GALNT10: variants seen among roughly 807,000 people sequenced by gnomAD.
GALNT10 encodes polypeptide N-acetylgalactosaminyltransferase 10, also known as GalNAc transferase 10.
A neutral mutation model predicts 75.0 loss-of-function variants in GALNT10; 41 were observed. The observed-to-expected ratio is 0.55, with a 90% CI of 0.43 to 0.71. The LOEUF is 0.71. Ranked by LOEUF, GALNT10 falls within the 30% of genes least tolerant of loss-of-function variation. The probability of loss-of-function intolerance (pLI) is 0.00; values close to 1 mark genes in which losing one functional copy is unlikely to be tolerated. For synonymous variants in GALNT10, 302 were observed against 313.0 expected, an observed-to-expected ratio of 0.96 and a Z score of 0.37; for missense variants, 727 against 818.5, an observed-to-expected ratio of 0.89 and a Z score of 1.36.
intron 1 of GALNT10, among the ~76,000 whole-genome samples, chr5:154,273,807 T>C (rs940760443): frequency 6.6e-6 from 1 of 152,250 alleles, no homozygotes; most frequent in Non-Finnish European, 1.5e-5. Flanking sequence ...ATTAGATCAT[T>C]GGTTTTCAAA....
intron 4 of GALNT10, among the ~76,000 whole-genome samples, chr5:154,349,231 G>A (rs143308899): frequency 1.3e-5 from 2 of 152,126 alleles, no homozygotes; most frequent in East Asian, 3.9e-4. Context: ...TGGTCTCTCA[G>A]CAGTCCTGAG....
intron 1 of GALNT10, among the ~76,000 whole-genome samples, chr5:154,257,248 G>A (rs1455199617): frequency 6.6e-6 from 1 of 152,180 alleles, no homozygotes; most frequent in Non-Finnish European, 1.5e-5. Context: ...GCCAGTTGCA[G>A]AGTCCATTTT....
chr5:154,391,436 C>T (rs964030607), intron 7 of GALNT10, among the ~76,000 whole-genome samples: 1 of 152,208 alleles, frequency 6.6e-6, no homozygotes, highest in African/African-American at 2.4e-5. Context: ...CTAGAAAAGT[C>T]ATTGACTTTC....
rs997094257 is a variant in GALNT10, at chr5:154,376,448, T to C, written c.740T>C (p.Leu247Pro). The C allele has an allele frequency of 3.2e-6, 5 of 1,579,418 alleles. No homozygotes were observed. Among genetic ancestry groups the C allele is most frequent in the Non-Finnish European group, 4.3e-6 (5 of 1,167,076 alleles). The change falls in exon 5 of 12, where the codon CTT becomes CCT. Residue 247 changes from leucine (L) to proline (P), a missense_variant. By Grantham distance (98) the Leu-to-Pro change is moderately conservative. Coordinates refer to ENST00000297107, the MANE Select transcript of GALNT10 (RefSeq NM_198321.4). The surrounding 1 kb of genome is among the most constrained non-coding windows in gnomAD (Gnocchi z 4.1). ...CACTGTGAAGCCAATGTCAACTGGC[T>C]TCCCCCCTTGCTTGGTAAGGGAGCC... Reference protein sequence around the residue: ...DSHCEANVNWLPPLLDRIARN... With the variant: ...DSHCEANVNWPPPLLDRIARN...
intron 1 of GALNT10, among the ~76,000 whole-genome samples, chr5:154,226,309 A>G (rs769918991): frequency 3.0e-4 from 45 of 152,198 alleles, no homozygotes; most frequent in Non-Finnish European, 6.3e-4. Context: ...AGACTATAGT[A>G]TTACTGTTTT....
At chr5:154,299,852 T>C (rs253343) in intron 3 of GALNT10, among the ~76,000 whole-genome samples, 139,649 of 142,524 alleles carry the variant, frequency 0.98, 68,418 homozygotes, top group East Asian at 1. Flanking sequence ...TTTTTTTTTT[T>C]GAGACAGGGT....
At chr5:154,311,800 G>A (rs534507489) in intron 3 of GALNT10, among the ~76,000 whole-genome samples, 3 of 152,134 alleles carry the variant, frequency 2.0e-5, no homozygotes, top group Admixed American at 2.0e-4. Context: ...TAGTAGAGAT[G>A]GAGTTTCACC....
chr5:154,404,566 C>T lies in GALNT10; in HGVS notation c.1164+355C>T, dbSNP rs558286081. On this transcript the variant is annotated intron_variant, in intron 8 of 11. Coordinates refer to ENST00000297107, the MANE Select transcript of GALNT10 (RefSeq NM_198321.4). ...TAGGCAGCAAACACAGGAATGTTTT[C>T]TTGTTCATGTGTTTAAGTTAATGTG... Among the ~76,000 whole-genome samples the T allele has an allele frequency of 5.3e-5, 8 of 152,288 alleles. No homozygotes were observed. The South Asian group carries it at 1.7e-3, about 32-fold the overall frequency.
At position 154,418,867 on chromosome 5, in the gene GALNT10, G is replaced by C. The variant is rs1356013545; in HGVS notation, c.*1895G>C. 6.6e-6 allele frequency: 1 copy of C among 152,514 alleles called. No individual in the cohort carries two copies. Among genetic ancestry groups the C allele is most frequent in the Admixed American group, 6.5e-5 (1 of 15,284 alleles). The allele number at this position is 152,514 out of a possible 1,614,324, so 9.4% of individuals were successfully genotyped here. On this transcript the variant is annotated 3_prime_UTR_variant, in exon 12 of 12. Transcript: ENST00000297107. ...CTTTAGAAGTGGCCCTCTATAGAAAGAAGTCAAAAGATGAGGCCCCTTCTA... is the reference window on the plus strand; with the variant it reads ...CTTTAGAAGTGGCCCTCTATAGAAACAAGTCAAAAGATGAGGCCCCTTCTA...
intron 3 of GALNT10, among the ~76,000 whole-genome samples, chr5:154,302,197 G>A (rs1754373118): frequency 6.6e-6 from 1 of 152,234 alleles, no homozygotes; most frequent in Non-Finnish European, 1.5e-5. Context: ...TTTGCCTTTT[G>A]TTCCTTCAAA....
chr5:154,217,329 T>C (rs1194752329), intron 1 of GALNT10, among the ~76,000 whole-genome samples: 1 of 152,206 alleles, frequency 6.6e-6, no homozygotes, highest in Non-Finnish European at 1.5e-5. Context: ...GTGTGTTCCA[T>C]GACCCCTGGC....
intron 1 of GALNT10, among the ~76,000 whole-genome samples, chr5:154,275,203 G>C (rs182663237): frequency 6.6e-6 from 1 of 152,292 alleles, no homozygotes; most frequent in South Asian, 2.1e-4. Flanking sequence ...ATTCTAAAAA[G>C]CACGTGGGAG....
intron 1 of GALNT10, among the ~76,000 whole-genome samples, chr5:154,281,411 G>A (rs1754037104): frequency 2.0e-5 from 3 of 152,212 alleles, no homozygotes; most frequent in Admixed American, 1.3e-4. Context: ...ATCTTTTGAC[G>A]TTGCTAAACT....
intron 1 of GALNT10, among the ~76,000 whole-genome samples, chr5:154,235,609 C>T (rs1336718922): frequency 6.6e-6 from 1 of 152,180 alleles, no homozygotes; most frequent in African/African-American, 2.4e-5. Context: ...TTCTTCTGGA[C>T]ATTCCGTCAT....
chr5:154,351,013 G>A (rs143025540), intron 4 of GALNT10, among the ~76,000 whole-genome samples: 77 of 152,304 alleles, frequency 5.1e-4, no homozygotes, highest in African/African-American at 1.8e-3. Flanking sequence ...AATGCTGTGA[G>A]AACTACTGTT....
At chr5:154,360,833 G>T (rs968456879) in intron 4 of GALNT10, among the ~76,000 whole-genome samples, 2 of 152,164 alleles carry the variant, frequency 1.3e-5, no homozygotes, top group Non-Finnish European at 2.9e-5. Flanking sequence ...GAAAGTGGTT[G>T]ATCCAAGAAT....
chr5:154,268,305 C>A (rs1267217450), intron 1 of GALNT10, among the ~76,000 whole-genome samples: 3 of 152,154 alleles, frequency 2.0e-5, no homozygotes, highest in African/African-American at 7.2e-5. Context: ...GTTAGAGGGT[C>A]AACCCACTCA....
At chr5:154,385,902 G>A (rs6889241) in intron 6 of GALNT10, among the ~76,000 whole-genome samples, 114,338 of 152,104 alleles carry the variant, frequency 0.75, 43,086 homozygotes, top group Middle Eastern at 0.84. Context: ...GGGGCCCAGC[G>A]AGCTGTATAT....
chr5:154,393,645 G>C (rs779502938), intron 7 of GALNT10, among the ~76,000 whole-genome samples: 1 of 152,102 alleles, frequency 6.6e-6, no homozygotes, highest in Non-Finnish European at 1.5e-5. Context: ...CCAGCTTTGG[G>C]CAACACAGTG....
Sources: allele counts gnomAD v4.1 joint callset (sites outside exome capture counted in the v4.1 genomes callset), GRCh38; gene constraint gnomAD v4.1.1; non-coding constraint Gnocchi (gnomAD v3.1); transcripts MANE v1.5; gene names NCBI Gene and HGNC (gene_info 2026-07-23, HGNC 2026-07-21).